NEBL: variants seen among roughly 807,000 people sequenced by gnomAD.
NEBL encodes nebulette, also known as LIM and SH3 protein 2.
NEBL carries 122 observed loss-of-function variants against 140.2 expected under a neutral mutation model. The observed-to-expected ratio is 0.87, with a 90% CI of 0.75 to 1.01. The LOEUF (loss-of-function observed/expected upper bound fraction) is 1.01. NEBL is among the 50% of genes least tolerant of loss of function. NEBL has a pLI of 0.00. For missense variants in NEBL, 1,365 were observed against 1,231.3 expected, an observed-to-expected ratio of 1.11 and a Z score of -1.62; for synonymous variants, 436 against 398.9, an observed-to-expected ratio of 1.09 and a Z score of -1.11.
chr10:21,157,216 T>G lies in NEBL; in HGVS notation c.164+15167A>C, dbSNP rs570304445. The stretch of plus-strand genomic sequence containing the variant: ...AAAAAGTCTCCATTATTCCTTCACT[T>G]TTTTTTTTAACACTGATCTTTTATA... On this transcript the variant is annotated intron_variant, in intron 2 of 6. Coordinates refer to the NEBL transcript ENST00000417816. Among the ~76,000 whole-genome samples, 18 of 151,046 alleles carry G rather than the reference T, an allele frequency of 1.2e-4. No individual in the cohort carries two copies. In the South Asian group the frequency reaches 2.7e-3, roughly 23 times the overall value.
chr10:21,127,428 A>C (rs964914076), intron 2 of NEBL, among the ~76,000 whole-genome samples: 3 of 152,158 alleles, frequency 2.0e-5, no homozygotes, highest in Non-Finnish European at 4.4e-5. Flanking sequence ...GAACCTTATA[A>C]ATGGTGGACC....
chr10:21,022,676 AG>A (rs1838845664), intron 2 of NEBL, among the ~76,000 whole-genome samples: 3 of 152,234 alleles, frequency 2.0e-5, no homozygotes, highest in Admixed American at 2.0e-4. Flanking sequence ...CTGATAATGT[AG>A]GGTCATCTTA....
chr10:20,942,898 C>A (rs1834957033), intron 4 of NEBL, among the ~76,000 whole-genome samples: 1 of 152,212 alleles, frequency 6.6e-6, no homozygotes, highest in African/African-American at 2.4e-5. Flanking sequence ...GATACCATTT[C>A]ACACCAGTTA....
intron 3 of NEBL, among the ~76,000 whole-genome samples, chr10:21,004,122 G>A (rs1346884456): frequency 6.6e-5 from 10 of 152,118 alleles, no homozygotes; most frequent in Non-Finnish European, 1.5e-4. Flanking sequence ...GCATCAGATT[G>A]TTGATTTTTT....
chr10:20,985,638 G>A (rs1019848803), intron 3 of NEBL, among the ~76,000 whole-genome samples: 19 of 152,136 alleles, frequency 1.2e-4, no homozygotes, highest in African/African-American at 4.3e-4. Flanking sequence ...ACATCTATTA[G>A]TAGTGAAAAC....
chr10:21,131,004 A>AATATCC, intron 2 of NEBL, among the ~76,000 whole-genome samples: 1 of 152,130 alleles, frequency 6.6e-6, no homozygotes, highest in Non-Finnish European at 1.5e-5. Context: ...TAGCCAGGTT[A>AATATCC]AGAAAAAAAG....
At chr10:21,008,249 T>G (rs950588019) in intron 3 of NEBL, among the ~76,000 whole-genome samples, 2 of 152,304 alleles carry the variant, frequency 1.3e-5, no homozygotes, top group Non-Finnish European at 1.5e-5. Flanking sequence ...TGTACAGTAG[T>G]CCCCTCTTAT....
At chr10:20,818,303 G>C (rs553971864) in intron 20 of NEBL, among the ~76,000 whole-genome samples, 3 of 150,170 alleles carry the variant, frequency 2.0e-5, no homozygotes, top group Non-Finnish European at 3.0e-5. Context: ...CTAGCTGGGT[G>C]GGGGGGCTGG....
intron 3 of NEBL, among the ~76,000 whole-genome samples, chr10:21,214,605 A>G (rs1481074043): frequency 1.3e-5 from 2 of 151,524 alleles, no homozygotes; most frequent in Admixed American, 6.6e-5. Flanking sequence ...ACATATACAC[A>G]TGCACACACA....
chr10:20,960,303 T>G (rs949921803), intron 4 of NEBL, among the ~76,000 whole-genome samples: 1 of 152,120 alleles, frequency 6.6e-6, no homozygotes. Flanking sequence ...TTGATTTGCA[T>G]TCTTAAAAGC....
intron 2 of NEBL, among the ~76,000 whole-genome samples, chr10:21,087,914 GCAAAT>G (rs1836715264): frequency 6.6e-6 from 1 of 152,140 alleles, no homozygotes; most frequent in Non-Finnish European, 1.5e-5. Flanking sequence ...TCTGAAATAG[GCAAAT>G]CGATTTCTGC....
chr10:21,020,738 C>G (rs1010892299), intron 2 of NEBL, among the ~76,000 whole-genome samples: 1 of 152,146 alleles, frequency 6.6e-6, no homozygotes, highest in Non-Finnish European at 1.5e-5. Context: ...TGTCGTCTCC[C>G]CGGGTTTACA....
chr10:20,981,414 C>A (rs58937756), intron 3 of NEBL, among the ~76,000 whole-genome samples: 42 of 109,138 alleles, frequency 3.8e-4, no homozygotes, highest in African/African-American at 2.5e-3. Context: ...ATAAAAAAAA[C>A]ACACACAAAA....
At position 21,261,153 on chromosome 10, in the gene NEBL, C is replaced by T. The variant is rs530013949; in HGVS notation, n.183-9325G>A. Among the ~76,000 whole-genome samples, 6 of 152,276 alleles carry T rather than the reference C, an allele frequency of 3.9e-5. No homozygotes were observed. In the South Asian group the frequency reaches 1.2e-3, roughly 32 times the overall value. ...TACACCTATTAGACTAAACACACCC[C>T]AGGGAAATGGTGGGTAACCCCTGTC... On this transcript the variant is annotated intron_variant and non_coding_transcript_variant, in intron 1 of 8. Coordinates refer to the NEBL transcript ENST00000675702.
At chr10:20,869,153 T>C (rs760557469) in intron 6 of NEBL, among the ~76,000 whole-genome samples, 26 of 152,206 alleles carry the variant, frequency 1.7e-4, no homozygotes, top group Non-Finnish European at 3.4e-4. Flanking sequence ...TGACATGCAG[T>C]TGAATACAGT....
chr10:21,125,798 G>T (rs893074971), intron 2 of NEBL: 5 of 1,525,764 alleles, frequency 3.3e-6, no homozygotes, highest in Non-Finnish European at 4.5e-6. Context: ...ATATGGTATG[G>T]TATAAGACAG....
intron 3 of NEBL, among the ~76,000 whole-genome samples, chr10:21,241,575 T>C (rs1842440519): frequency 6.6e-6 from 1 of 152,206 alleles, no homozygotes; most frequent in South Asian, 2.1e-4. Context: ...TCCAGAACAT[T>C]CTGTTTGTGC....
intron 2 of NEBL, among the ~76,000 whole-genome samples, chr10:21,121,712 A>G (rs1838583426): frequency 6.6e-6 from 1 of 152,128 alleles, no homozygotes; most frequent in African/African-American, 2.4e-5. Flanking sequence ...CTCCGTTTAA[A>G]TGTCACCGGG....
intron 2 of NEBL, among the ~76,000 whole-genome samples, chr10:21,116,267 C>G (rs917755551): frequency 2.0e-5 from 3 of 152,156 alleles, no homozygotes; most frequent in Non-Finnish European, 2.9e-5. Flanking sequence ...AGTCCAAACT[C>G]AAGCTGCCAA....
Sources: gnomAD v4.1 joint callset for allele counts (sites outside exome capture counted in the v4.1 genomes callset) on GRCh38, gnomAD v4.1.1 for gene constraint, MANE v1.5 for transcripts, NCBI Gene and HGNC (gene_info 2026-07-23, HGNC 2026-07-21) for gene names.